Variants in CDC14B observed in about 807,000 individuals in gnomAD.
CDC14B encodes dual specificity protein phosphatase CDC14B.
Under a neutral mutation model 64.2 loss-of-function variants are expected in CDC14B, and 22 were observed. That is an observed-to-expected ratio of 0.34 (90% CI 0.24 to 0.49). The LOEUF (loss-of-function observed/expected upper bound fraction) is 0.49, where lower values mean the gene tolerates loss of function less well. Ranked by LOEUF, CDC14B falls within the 20% of genes least tolerant of loss-of-function variation. The pLI, the probability that CDC14B is intolerant of heterozygous loss-of-function variation, is 0.99. For missense variants in CDC14B, 498 were observed against 629.9 expected (o/e 0.79, Z 2.24); for synonymous variants, 191 against 215.8 (o/e 0.89, Z 1.01).
At chr9:96,498,405 C>A (rs1833340799), downstream of CDC14B, among the ~76,000 whole-genome samples, 1 of 152,250 alleles carries the variant, frequency 6.6e-6, no homozygotes, top group East Asian at 1.9e-4. Context: ...CTTGCACTTT[C>A]CACGGCAACT....
intron 1 of CDC14B, among the ~76,000 whole-genome samples, chr9:96,582,267 T>G (rs1845202217): frequency 6.6e-6 from 1 of 152,238 alleles, no homozygotes; most frequent in African/African-American, 2.4e-5. Context: ...TTCTTAAATA[T>G]CTGCTAACCA....
intron 2 of CDC14B, 36 bp downstream of exon 2, chr9:96,565,351 TCAAAAA>T (rs767156390): frequency 5.5e-6 from 7 of 1,283,196 alleles, no homozygotes; most frequent in Admixed American, 3.6e-5. Context: ...TTTAGATTCT[TCAAAAA>T]CAAAAAGTTA....
chr9:96,522,557 A>G lies in CDC14B; in HGVS notation c.1292T>C (p.Leu431Pro). ...TTGTCTTCTGCTTTTCAAGGCCCGA[A>G]GTCTATCACCTTGTGTCACTCCATT... is the stretch of plus-strand genomic sequence containing the variant. ...EINGVTQGDR[L>P]RALKSRRQSK... The change falls in exon 12 of 14, where the codon CTT (leucine) becomes CCT (proline). Residue 431 changes from leucine to proline, a missense_variant. Coordinates refer to ENST00000375241, the MANE Select transcript of CDC14B (RefSeq NM_033331.4). 1 of 1,613,728 alleles carries G rather than the reference A, an allele frequency of 6.2e-7. No homozygotes were observed. The highest frequency in any genetic ancestry group is 8.5e-7 in the Non-Finnish European group (1 of 1,179,624).
chr9:96,509,830 A>C (rs1834668636), intron 12 of CDC14B, 41 bp from the exon 13 acceptor site: 2 of 1,261,044 alleles, frequency 1.6e-6, no homozygotes, highest in South Asian at 2.5e-5. Flanking sequence ...ATTCACTGAA[A>C]CCATTTGCAA....
At chr9:96,551,243 A>G (rs1372689579) in intron 5 of CDC14B, among the ~76,000 whole-genome samples, 4 of 151,386 alleles carry the variant, frequency 2.6e-5, no homozygotes, top group Admixed American at 2.6e-4. Flanking sequence ...CAGTCTCCCA[A>G]GTAGCTGGGA....
Position 96,565,474 on chromosome 9 carries a change from C to G in CDC14B, c.170G>C (p.Cys57Ser). The G allele has an allele frequency of 6.2e-7, 1 of 1,608,610 alleles. No homozygotes were observed. The highest frequency in any genetic ancestry group is 8.5e-7 in the Non-Finnish European group (1 of 1,175,134). Residue 57 changes from cysteine to serine, a missense_variant, in exon 2 of 14, where the codon TGT (cysteine) becomes TCT (serine). By Grantham distance (112) the Cys-to-Ser change is moderately radical. Transcript: ENST00000375241. ...TGGTCTGCTGTAGAGAATGGCAAAACAAAGGCGATCTGAAATGGAAAAATT... is the reference window on the plus strand; with the variant it reads ...TGGTCTGCTGTAGAGAATGGCAAAAGAAAGGCGATCTGAAATGGAAAAATT... ...DVYLDITDRL[C>S]FAILYSRPKS... is the part of the protein sequence containing the mutation.
chr9:96,604,339 G>A (rs1180805100), intron 1 of CDC14B, among the ~76,000 whole-genome samples: 4 of 141,098 alleles, frequency 2.8e-5, no homozygotes, highest in Non-Finnish European at 3.0e-5. Flanking sequence ...CGTGAAGCTT[G>A]CATTTATTAT....
At chr9:96,581,274 C>A (rs1478691444) in intron 1 of CDC14B, among the ~76,000 whole-genome samples, 2 of 151,026 alleles carry the variant, frequency 1.3e-5, no homozygotes, top group Non-Finnish European at 2.9e-5. Flanking sequence ...CAATGAAGCA[C>A]AAAGAAGAAA....
At chr9:96,519,453 G>A (rs1354688982) in intron 12 of CDC14B, among the ~76,000 whole-genome samples, 3 of 151,858 alleles carry the variant, frequency 2.0e-5, no homozygotes, top group Non-Finnish European at 1.5e-5. Context: ...AAGAGAAACC[G>A]GCCAGGCGCC....
intron 1 of CDC14B, among the ~76,000 whole-genome samples, chr9:96,572,347 T>C (rs912874131): frequency 6.6e-6 from 1 of 152,118 alleles, no homozygotes; most frequent in Non-Finnish European, 1.5e-5. Context: ...ACTTGTGACT[T>C]GTGGGAAGGA....
chr9:96,617,354 G>A (rs1847695511), intron 1 of CDC14B, among the ~76,000 whole-genome samples: 1 of 151,964 alleles, frequency 6.6e-6, no homozygotes, highest in Admixed American at 6.6e-5. Flanking sequence ...TGACTTTGCT[G>A]TCACAAACCT....
intron 13 of CDC14B, among the ~76,000 whole-genome samples, chr9:96,495,081 G>A (rs550668677): frequency 3.8e-4 from 58 of 151,974 alleles, no homozygotes; most frequent in Non-Finnish European, 6.5e-4. Flanking sequence ...TGATCCACCT[G>A]CCTCAGCCTC....
At chr9:96,543,595 T>C (rs903067721) in intron 5 of CDC14B, among the ~76,000 whole-genome samples, 4 of 152,130 alleles carry the variant, frequency 2.6e-5, no homozygotes, top group African/African-American at 9.7e-5. Flanking sequence ...AATCTTCCTA[T>C]ACAAATCTCT....
At chr9:96,574,122 G>C (rs907965937) in intron 1 of CDC14B, among the ~76,000 whole-genome samples, 61 of 151,922 alleles carry the variant, frequency 4.0e-4, no homozygotes, top group African/African-American at 1.4e-3. Flanking sequence ...ACTCCAGCTT[G>C]GGTGACAGAG....
In CDC14B at chr9:96,502,924, C is replaced by A. The variant is rs1227258462; in HGVS notation, c.*829G>T. The A allele has an allele frequency of 2.5e-6, 1 of 397,992 alleles. No individual in the cohort carries two copies. Among genetic ancestry groups the A allele is most frequent in the Non-Finnish European group, 4.4e-6 (1 of 225,936 alleles). 24.7% of individuals were successfully genotyped at this position (397,992 alleles called of 1,614,324 possible). Reference sequence around the variant, plus strand: ...AAGGGGAAAAACCAATAGTGTGTTTCTTCCATTCATGGAAGGAAATATGAT... The same window carrying A: ...AAGGGGAAAAACCAATAGTGTGTTTATTCCATTCATGGAAGGAAATATGAT... On this transcript the variant is annotated 3_prime_UTR_variant, in exon 14 of 14. Coordinates refer to ENST00000375241, the MANE Select transcript of CDC14B (RefSeq NM_033331.4).
At chr9:96,615,134 C>A (rs1465804810) in intron 1 of CDC14B, among the ~76,000 whole-genome samples, 1 of 152,170 alleles carries the variant, frequency 6.6e-6, no homozygotes, top group Non-Finnish European at 1.5e-5. Context: ...AGACACTGTG[C>A]CCGGCCTACA....
At chr9:96,495,967 A>C (rs16910960), downstream of CDC14B, among the ~76,000 whole-genome samples, 3 of 152,286 alleles carry the variant, frequency 2.0e-5, no homozygotes, top group East Asian at 5.8e-4. Context: ...GCCTTCAAAA[A>C]TTTGGTGCGA....
intron 13 of CDC14B, among the ~76,000 whole-genome samples, 167 bp from the exon 14 acceptor site, chr9:96,503,956 A>G (rs1287237198): frequency 6.6e-6 from 1 of 152,182 alleles, no homozygotes; most frequent in East Asian, 1.9e-4. Context: ...CACAATATCA[A>G]CCACAAAGGA....
At chr9:96,595,343 G>A (rs1365884146) in intron 1 of CDC14B, among the ~76,000 whole-genome samples, 1 of 152,096 alleles carries the variant, frequency 6.6e-6, no homozygotes, top group Non-Finnish European at 1.5e-5. Context: ...AGACTGCCAG[G>A]CATACAACGA....
Sources: allele counts gnomAD v4.1 joint callset (sites outside exome capture counted in the v4.1 genomes callset), GRCh38; gene constraint gnomAD v4.1.1; transcripts MANE v1.5; gene names NCBI Gene and HGNC (gene_info 2026-07-23, HGNC 2026-07-21).